DNAH5: variants seen among roughly 807,000 people sequenced by gnomAD.
The protein encoded by DNAH5 is dynein axonemal heavy chain 5, also known as axonemal beta dynein heavy chain 5.
A neutral mutation model predicts 518.2 loss-of-function variants in DNAH5; 372 were observed. That is an observed-to-expected ratio of 0.72 (90% CI 0.66 to 0.78). The LOEUF is 0.78. DNAH5 is among the 30% of genes least tolerant of loss of function. The pLI, the probability that DNAH5 is intolerant of heterozygous loss-of-function variation, is 0.00. For synonymous variants in DNAH5, 2,039 were observed against 2,025.9 expected, an observed-to-expected ratio of 1.01 and a Z score of -0.17; for missense variants, 5,523 against 5,687.0, an observed-to-expected ratio of 0.97 and a Z score of 0.93.
chr5:13,885,324 G>C (rs999557037), intron 18 of DNAH5, 96 bp from the exon 19 acceptor site: 20 of 1,425,084 alleles, frequency 1.4e-5, no homozygotes, highest in Non-Finnish European at 1.9e-5. Context: ...ATCATCTGTT[G>C]CAATTAAAGG....
intron 31 of DNAH5, among the ~76,000 whole-genome samples, chr5:13,849,913 G>A (rs1201748410): frequency 1.3e-5 from 2 of 152,162 alleles, no homozygotes; most frequent in African/African-American, 4.8e-5. Context: ...TATGAGGGCA[G>A]CCTGGCTTAG....
intron 1 of DNAH5, among the ~76,000 whole-genome samples, chr5:13,993,046 A>C (rs2152076092): frequency 6.6e-6 from 1 of 152,366 alleles, no homozygotes; most frequent in East Asian, 1.9e-4. Context: ...GCTATTAGAC[A>C]TAAGCCAATG....
chr5:13,991,094 T>C (rs1434857205), intron 1 of DNAH5, among the ~76,000 whole-genome samples: 4 of 152,142 alleles, frequency 2.6e-5, no homozygotes, highest in Non-Finnish European at 5.9e-5. Context: ...GTCTTGACTT[T>C]GTCTCTCTAG....
At chr5:13,776,841 G>A in intron 54 of DNAH5, 135 bp from the exon 55 acceptor site, 1 of 955,680 alleles carries the variant, frequency 1.0e-6, no homozygotes, top group Non-Finnish European at 1.6e-6. Context: ...AAGTTTTCAA[G>A]ATGAAATACA....
intron 12 of DNAH5, among the ~76,000 whole-genome samples, chr5:13,904,673 G>A (rs1406348892): frequency 6.6e-6 from 1 of 152,024 alleles, no homozygotes; most frequent in African/African-American, 2.4e-5. Context: ...AACATTGGGA[G>A]GCCAAGGTTG....
chr5:13,876,678 A>G lies in DNAH5; in HGVS notation c.3396+6T>C. 2 of 1,613,312 alleles carry G rather than the reference A, an allele frequency of 1.2e-6. No individual in the cohort carries two copies. The highest frequency in any genetic ancestry group is 1.7e-6 in the Non-Finnish European group (2 of 1,179,624). ...AAGGTCCGGCTGCCAGACCCTCTTGACATACCTTTTTGGTGGAGTTGATAA... is the reference window on the plus strand; with the variant it reads ...AAGGTCCGGCTGCCAGACCCTCTTGGCATACCTTTTTGGTGGAGTTGATAA... On this transcript the variant is annotated splice_donor_region_variant and intron_variant, in intron 22 of 78. Transcript: ENST00000265104.
chr5:13,835,427 C>T lies in DNAH5; in HGVS notation c.5882+3929G>A, dbSNP rs879409649. ...AGAAAAGCAGCTTAAAGAGCCAGGC[C>T]GGCAAGCTTTGATATGCAAATGCTG... On this transcript the variant is annotated intron_variant, in intron 35 of 78. Coordinates refer to ENST00000265104, the MANE Select transcript of DNAH5 (RefSeq NM_001369.3). Among the ~76,000 whole-genome samples, 14 of 152,104 alleles carry T rather than the reference C, an allele frequency of 9.2e-5. No individual in the cohort carries two copies. The East Asian group carries it at 1.3e-3, about 15-fold the overall frequency.
chr5:13,864,188 T>C (rs906991039), intron 28 of DNAH5, among the ~76,000 whole-genome samples: 1 of 152,238 alleles, frequency 6.6e-6, no homozygotes, highest in African/African-American at 2.4e-5. Flanking sequence ...TAATAATCTG[T>C]AAATGCAGGA....
Position 13,924,318 on chromosome 5 carries a change from C to T in DNAH5, c.278-878G>A, listed in dbSNP as rs116489316. 2.8e-3 allele frequency among the ~76,000 whole-genome samples: 430 copies of T among 152,304 alleles called. 3 individuals carry two copies. The highest frequency in any genetic ancestry group is 5.4e-3 in the Non-Finnish European group (369 of 68,028). On this transcript the variant is annotated intron_variant, in intron 3 of 78. Coordinates refer to ENST00000265104, the MANE Select transcript of DNAH5 (RefSeq NM_001369.3). ...CAATCTCAGGCTGCACTCCCAGCCA[C>T]GTGACCTTGGCAAGTTACTTTATCT...
At chr5:13,814,261 G>A (rs78019225) in intron 43 of DNAH5, among the ~76,000 whole-genome samples, 22,229 of 152,124 alleles carry the variant, frequency 0.15, 1,740 homozygotes, top group Admixed American at 0.19. Context: ...ATGTGAATGT[G>A]TACCTTTCAA....
In DNAH5 at chr5:13,766,186, G is replaced by T. The variant is rs751201560; in HGVS notation, c.9898-7C>A. The T allele has an allele frequency of 6.2e-7, 1 of 1,614,126 alleles. No homozygotes were observed. The highest frequency in any genetic ancestry group is 1.7e-5 in the Admixed American group (1 of 60,034). On this transcript the variant is annotated splice_polypyrimidine_tract_variant and splice_region_variant and intron_variant, in intron 58 of 78. Transcript: ENST00000265104. ...TGTCCGAAGGCCTGATGGTCTGGGG[G>T]ATGAAAGGAACGATCACCCAACCAC... is the stretch of plus-strand genomic sequence containing the variant.
intron 34 of DNAH5, 27 bp downstream of exon 34, chr5:13,840,879 A>C (rs1288886397): frequency 6.3e-7 from 1 of 1,596,166 alleles, no homozygotes; most frequent in Non-Finnish European, 8.6e-7. Context: ...TTTTCTCTAC[A>C]TGCCACAGCA....
chr5:13,752,404 T>G, intron 63 of DNAH5, 115 bp from the exon 64 acceptor site: 1 of 1,271,906 alleles, frequency 7.9e-7, no homozygotes, highest in Non-Finnish European at 1.1e-6. Context: ...AAATACAAAT[T>G]GAGCATCCAA....
At chr5:13,849,905 T>C (rs979245504) in intron 31 of DNAH5, among the ~76,000 whole-genome samples, 4 of 151,074 alleles carry the variant, frequency 2.6e-5, no homozygotes, top group Non-Finnish European at 5.9e-5. Context: ...ACTGCATCTA[T>C]GAGGGCAGCC....
In DNAH5 at chr5:13,944,672, C is replaced by T. The variant is rs998867644; in HGVS notation, c.-234G>A. 4.5e-5 allele frequency: 25 copies of T among 556,340 alleles called. No homozygotes were observed. Among genetic ancestry groups the T allele is most frequent in the East Asian group, 3.1e-4 (10 of 32,374 alleles). The allele number at this position is 556,340 out of a possible 1,614,324, so 34.5% of individuals were successfully genotyped here. A position where few individuals can be genotyped will look rare whatever the true frequency, so the allele number is the denominator to read the frequency against. On this transcript the variant is annotated 5_prime_UTR_variant, in exon 1 of 79. Transcript: ENST00000265104. ...TCTGCCCTGGGCCTCTCCTCTCTCT[C>T]GAAGCCTGGTGTTGTTAGGGTAATA...
intron 35 of DNAH5, among the ~76,000 whole-genome samples, chr5:13,836,645 C>T (rs1596789): frequency 0.41 from 62,855 of 152,074 alleles, 13,424 homozygotes; most frequent in East Asian, 0.6. Context: ...CAGAGTGATG[C>T]GGAAAGTATG....
intron 1 of DNAH5, among the ~76,000 whole-genome samples, chr5:14,010,546 G>A (rs1785041755): frequency 6.6e-6 from 1 of 152,046 alleles, no homozygotes; most frequent in East Asian, 1.9e-4. Context: ...TGTCATTTCA[G>A]GGTCCCATTT....
At chr5:13,804,982 G>A (rs534751096) in intron 47 of DNAH5, among the ~76,000 whole-genome samples, 36 of 152,284 alleles carry the variant, frequency 2.4e-4, no homozygotes, top group African/African-American at 7.9e-4. Context: ...GCAATGACAA[G>A]GCCTCATTGC....
intron 15 of DNAH5, among the ~76,000 whole-genome samples, chr5:13,896,436 C>T (rs1226336906): frequency 1.3e-5 from 2 of 152,142 alleles, no homozygotes; most frequent in Non-Finnish European, 2.9e-5. Flanking sequence ...TCAATTATAC[C>T]TGTCCTGACT....
Sources: gnomAD v4.1 joint callset for allele counts (sites outside exome capture counted in the v4.1 genomes callset) on GRCh38, gnomAD v4.1.1 for gene constraint, MANE v1.5 for transcripts, NCBI Gene and HGNC (gene_info 2026-07-23, HGNC 2026-07-21) for gene names.